The following TRMT9B variants were observed in gnomAD, a reference collection of about 807,000 sequenced individuals.
TRMT9B encodes probable tRNA methyltransferase 9B.
Under a neutral mutation model 11.5 loss-of-function variants are expected in TRMT9B, and 16 were observed. That is an observed-to-expected ratio of 1.39 (90% CI 0.94 to 2.11). The LOEUF (loss-of-function observed/expected upper bound fraction) is 2.11. Ranked by LOEUF, TRMT9B falls within the 30% of genes most tolerant of loss-of-function variation. The probability of loss-of-function intolerance (pLI) is 0.00; values close to 1 mark genes in which losing one functional copy is unlikely to be tolerated. For missense variants in TRMT9B, 941 were observed against 553.8 expected, an observed-to-expected ratio of 1.70 and a Z score of -7.02; for synonymous variants, 274 against 192.4, an observed-to-expected ratio of 1.42 and a Z score of -3.51.
In TRMT9B at chr8:12,969,121, G is replaced by A. The variant is rs148941388; in HGVS notation, c.-199-21713G>A. Among the ~76,000 whole-genome samples the A allele has an allele frequency of 6.1e-3, 929 of 152,298 alleles. 6 individuals are homozygous for A. The highest frequency in any genetic ancestry group is 0.025 in the East Asian group (127 of 5,170). ...CTAGCTACTCGGGAGGCTGAGGCAGGAGAATCGCTTGGAAGGTGGAGATTG... is the reference window on the plus strand; with the variant it reads ...CTAGCTACTCGGGAGGCTGAGGCAGAAGAATCGCTTGGAAGGTGGAGATTG... On this transcript the variant is annotated intron_variant, in intron 1 of 4. Transcript: ENST00000524591.
chr8:12,971,908 A>T (rs1803689518), intron 1 of TRMT9B, among the ~76,000 whole-genome samples: 1 of 152,052 alleles, frequency 6.6e-6, no homozygotes, highest in African/African-American at 2.4e-5. Flanking sequence ...ACATAGCATC[A>T]GTGAACCAAA....
intron 3 of TRMT9B, among the ~76,000 whole-genome samples, chr8:13,009,398 T>C (rs923684096): frequency 5.9e-5 from 9 of 152,006 alleles, no homozygotes; most frequent in African/African-American, 2.2e-4. Context: ...TGTGAACAAA[T>C]GGTTCAAAAT....
intron 1 of TRMT9B, among the ~76,000 whole-genome samples, chr8:12,968,566 ATCT>A (rs1375204857): frequency 6.6e-6 from 1 of 152,180 alleles, no homozygotes; most frequent in Non-Finnish European, 1.5e-5. Flanking sequence ...GTTAACTGGA[ATCT>A]TAAGAGAGTG....
Position 12,945,889 on chromosome 8 carries a change from G to A in TRMT9B, c.-277G>A, listed in dbSNP as rs1800241173. Reference sequence around the variant, plus strand: ...GACTAGACTTTCAGGATCTAAGGCTGAATCCTACACAGTCCTCCCTCTGGG... The same window carrying A: ...GACTAGACTTTCAGGATCTAAGGCTAAATCCTACACAGTCCTCCCTCTGGG... On this transcript the variant is annotated 5_prime_UTR_variant, in exon 1 of 5. Transcript: ENST00000524591. The A allele has an allele frequency of 6.6e-6, 1 of 152,098 alleles. No homozygotes were observed. The highest frequency in any genetic ancestry group is 1.5e-5 in the Non-Finnish European group (1 of 68,016). 9.4% of individuals were successfully genotyped at this position (152,098 alleles called of 1,614,324 possible). A position where few individuals can be genotyped will look rare whatever the true frequency, so the allele number is the denominator to read the frequency against.
At position 13,024,659 on chromosome 8, in the gene TRMT9B, C is replaced by T. The variant is rs1677235679; in HGVS notation, c.*2615C>T. The T allele has an allele frequency of 6.0e-6, 1 of 167,062 alleles. No homozygotes were observed. Among genetic ancestry groups the T allele is most frequent in the Non-Finnish European group, 1.5e-5 (1 of 68,120 alleles). 10.3% of individuals were successfully genotyped at this position (167,062 alleles called of 1,614,324 possible). On this transcript the variant is annotated 3_prime_UTR_variant, in exon 5 of 5. Transcript: ENST00000524591. ...CTGTCTGAGCAACCTCTTAGATGTG[C>T]ACACACCACTTTGTATGAAAGGGTT...
At position 13,023,066 on chromosome 8, in the gene TRMT9B, C is replaced by T. The variant is rs1427383446; in HGVS notation, c.*1022C>T. 2 of 166,970 alleles carry T rather than the reference C, an allele frequency of 1.2e-5. No individual in the cohort carries two copies. Among genetic ancestry groups the T allele is most frequent in the Admixed American group, 1.3e-4 (2 of 15,266 alleles). 10.3% of individuals were successfully genotyped at this position (166,970 alleles called of 1,614,324 possible). A position where few individuals can be genotyped will look rare whatever the true frequency, so the allele number is the denominator to read the frequency against. ...AGGTAGTAGGAGTTATATGCAAGTA[C>T]CCAAGTGGTATTCTTCCAATCTTAT... On this transcript the variant is annotated 3_prime_UTR_variant, in exon 5 of 5. Coordinates refer to ENST00000524591, the MANE Select transcript of TRMT9B (RefSeq NM_020844.3).
At chr8:13,017,400 A>G (rs539281408) in intron 4 of TRMT9B, among the ~76,000 whole-genome samples, 40 of 152,280 alleles carry the variant, frequency 2.6e-4, no homozygotes, top group African/African-American at 8.7e-4. Context: ...TTTAGGATGC[A>G]TATATTGAGT....
intron 1 of TRMT9B, among the ~76,000 whole-genome samples, chr8:12,963,129 A>G (rs1318274998): frequency 5.3e-5 from 8 of 152,200 alleles, no homozygotes; most frequent in Non-Finnish European, 1.2e-4. Context: ...GTAAATAGTA[A>G]TCACTAAACC....
intron 2 of TRMT9B, among the ~76,000 whole-genome samples, 190 bp downstream of exon 2, chr8:12,991,221 A>G (rs1357712926): frequency 6.6e-6 from 1 of 152,240 alleles, no homozygotes; most frequent in Non-Finnish European, 1.5e-5. Flanking sequence ...CAGGGTATGT[A>G]AAAATTATAA....
chr8:13,015,915 G>A (rs900732020), intron 4 of TRMT9B, among the ~76,000 whole-genome samples: 1 of 151,870 alleles, frequency 6.6e-6, no homozygotes, highest in Non-Finnish European at 1.5e-5. Context: ...GAATTAATGT[G>A]ATGTGGTTAT....
intron 1 of TRMT9B, among the ~76,000 whole-genome samples, chr8:12,984,195 A>C (rs1332075142): frequency 6.6e-6 from 1 of 152,240 alleles, no homozygotes. Context: ...TGAAACAACC[A>C]TGAATTTTGT....
At chr8:12,972,212 A>G (rs2466265) in intron 1 of TRMT9B, among the ~76,000 whole-genome samples, 128,998 of 152,116 alleles carry the variant, frequency 0.85, 54,854 homozygotes, top group Middle Eastern at 0.93. Flanking sequence ...CTGTGCTGAG[A>G]GGACAAAGAG....
chr8:12,984,150 T>A (rs1454647305), intron 1 of TRMT9B, among the ~76,000 whole-genome samples: 1 of 152,194 alleles, frequency 6.6e-6, no homozygotes, highest in Non-Finnish European at 1.5e-5. Context: ...AAATGTGGTA[T>A]AAAATTACCC....
intron 2 of TRMT9B, among the ~76,000 whole-genome samples, chr8:12,995,783 G>A (rs1808231918): frequency 1.3e-5 from 2 of 152,178 alleles, no homozygotes; most frequent in African/African-American, 2.4e-5. Flanking sequence ...GTTGTCTTAG[G>A]TTCTAAGGCT....
chr8:12,969,750 C>A (rs140539430), intron 1 of TRMT9B, among the ~76,000 whole-genome samples: 651 of 151,898 alleles, frequency 4.3e-3, no homozygotes, highest in Non-Finnish European at 6.4e-3. Flanking sequence ...CGGCTCATTG[C>A]AGCCTCAAGT....
intron 1 of TRMT9B, among the ~76,000 whole-genome samples, chr8:12,970,618 T>C (rs1803470098): frequency 6.6e-6 from 1 of 152,234 alleles, no homozygotes; most frequent in Non-Finnish European, 1.5e-5. Flanking sequence ...ATGTGTGAGA[T>C]GGTTAATGCA....
intron 2 of TRMT9B, among the ~76,000 whole-genome samples, chr8:13,003,507 C>T (rs186757751): frequency 2.0e-5 from 3 of 152,214 alleles, no homozygotes; most frequent in African/African-American, 7.2e-5. Context: ...AGCATATGTT[C>T]AGGCCCCTGG....
At chr8:12,965,141 T>TATTCCCTGCTTCAGTGCAGTTTTC (rs1802645402) in intron 1 of TRMT9B, among the ~76,000 whole-genome samples, 1 of 152,252 alleles carries the variant, frequency 6.6e-6, no homozygotes, top group African/African-American at 2.4e-5. Context: ...CAACTGGTGT[T>TATTCCCTGCTTCAGTGCAGTTTTC]ATTCCCTGCT....
chr8:12,992,422 G>C (rs935049325), intron 2 of TRMT9B, among the ~76,000 whole-genome samples: 1 of 152,034 alleles, frequency 6.6e-6, no homozygotes, highest in Non-Finnish European at 1.5e-5. Flanking sequence ...TGGGAGGCCT[G>C]GGTAGACAGT....
Sources: gnomAD v4.1 joint callset for allele counts (sites outside exome capture counted in the v4.1 genomes callset) on GRCh38, gnomAD v4.1.1 for gene constraint, MANE v1.5 for transcripts, NCBI Gene and HGNC (gene_info 2026-07-23, HGNC 2026-07-21) for gene names.